Variants in SLC23A2 observed in about 807,000 individuals in gnomAD.
The protein encoded by SLC23A2 is Na(+)/L-ascorbic acid transporter 2.
SLC23A2 carries 36 observed loss-of-function variants against 73.3 expected under a neutral mutation model. The ratio of observed to expected loss-of-function variants is 0.49; its 90% CI spans 0.38 to 0.65. The LOEUF is 0.65. Among genes scored for constraint, SLC23A2 ranks in the 30% least tolerant of loss-of-function variants. The probability of loss-of-function intolerance (pLI) is 0.00; values close to 1 mark genes in which losing one functional copy is unlikely to be tolerated. For synonymous variants in SLC23A2, 343 were observed against 327.3 expected (o/e 1.05, Z -0.52); for missense variants, 507 against 841.6 (o/e 0.60, Z 4.92).
chr20:4,896,069 C>T (rs1251197251), intron 6 of SLC23A2, among the ~76,000 whole-genome samples: 1 of 152,174 alleles, frequency 6.6e-6, no homozygotes, highest in Non-Finnish European at 1.5e-5. Context: ...GAGGAGTCTG[C>T]ATCCCAACAG....
At chr20:4,942,606 G>A (rs1445158946) in intron 2 of SLC23A2, among the ~76,000 whole-genome samples, 2 of 152,156 alleles carry the variant, frequency 1.3e-5, no homozygotes, top group African/African-American at 4.8e-5. Flanking sequence ...CAGCTATTCA[G>A]CCTGTAATGA....
rs535306302 is a variant in SLC23A2, at chr20:4,982,540, G to C, written c.-281-11621C>G. On this transcript the variant is annotated intron_variant, in intron 1 of 16. Transcript: ENST00000338244. The stretch of plus-strand genomic sequence containing the variant: ...CCTGAAATTCTTATGGAAATACACA[G>C]GACCCAGAATAGTCAAAACAATCTT... Among the ~76,000 whole-genome samples the C allele has an allele frequency of 2.6e-5, 4 of 152,162 alleles. No homozygotes were observed. The South Asian group carries it at 8.3e-4, about 32-fold the overall frequency.
At chr20:4,949,960 G>T (rs572848714) in intron 2 of SLC23A2, among the ~76,000 whole-genome samples, 1 of 152,136 alleles carries the variant, frequency 6.6e-6, no homozygotes, top group South Asian at 2.1e-4. Context: ...AGCATGAGAC[G>T]CTCTCAGGTG....
rs543231159 is a variant in SLC23A2, at chr20:4,998,602, A to G, written c.-282+2804T>C. Among the ~76,000 whole-genome samples the G allele has an allele frequency of 7.5e-6, 1 of 132,954 alleles. No individual in the cohort carries two copies. Among genetic ancestry groups the G allele is most frequent in the Admixed American group, 8.1e-5 (1 of 12,394 alleles). 87.2% of individuals were successfully genotyped at this position (132,954 alleles called of 152,430 possible). A position where few individuals can be genotyped will look rare whatever the true frequency, so the allele number is the denominator to read the frequency against. On this transcript the variant is annotated intron_variant, in intron 1 of 16. Coordinates refer to ENST00000338244, the MANE Select transcript of SLC23A2 (RefSeq NM_005116.6). This position sits in a 1 kb window ranked among gnomAD's most constrained non-coding sequence, Gnocchi z 4.1. ...GAGGAATAGCAGGGCATGAAAATGA[A>G]TTAATGAGGTGAGGTTACTGGGCAC...
In SLC23A2 at chr20:5,007,216, T is replaced by A. The variant is rs1314948760; in HGVS notation, c.-282+2966A>T. ...TAATACTCCCATTTTAAGGTATACATTTTAGAATATATCATTTAAAGTAAA... is the reference window on the plus strand; with the variant it reads ...TAATACTCCCATTTTAAGGTATACAATTTAGAATATATCATTTAAAGTAAA... On this transcript the variant is annotated intron_variant, in intron 1 of 16. Coordinates refer to the SLC23A2 transcript ENST00000379333. 2.0e-5 allele frequency among the ~76,000 whole-genome samples: 3 copies of A among 152,082 alleles called. No homozygotes were observed. In the East Asian group the frequency reaches 5.8e-4, roughly 29 times the overall value.
chr20:4,937,505 C>A lies in SLC23A2; in HGVS notation c.-154-4789G>T, dbSNP rs72552238. Among the ~76,000 whole-genome samples, 3 of 152,272 alleles carry A rather than the reference C, an allele frequency of 2.0e-5. No individual in the cohort carries two copies. The South Asian group carries it at 6.2e-4, about 32-fold the overall frequency. ...CCAGTTGCTAAGTGTCGGTGTGTGCCAGGCACTTCTCTGACCTCTTATTAA... is the reference window on the plus strand; with the variant it reads ...CCAGTTGCTAAGTGTCGGTGTGTGCAAGGCACTTCTCTGACCTCTTATTAA... On this transcript the variant is annotated intron_variant, in intron 2 of 16. Transcript: ENST00000338244.
At chr20:4,987,800 C>G (rs1241261459) in intron 1 of SLC23A2, among the ~76,000 whole-genome samples, 4 of 150,560 alleles carry the variant, frequency 2.7e-5, no homozygotes, top group African/African-American at 9.8e-5. Flanking sequence ...GTGAGCCGAT[C>G]ACGCCACTGT....
rs1479937541 is a variant in SLC23A2 at position 4,855,875 on chromosome 20, C to G, written c.*1097G>C. ...TGGTATCAAGCAATACAAAACACAA[C>G]CACAACAATGGTTACTGGCCTTCAA... On this transcript the variant is annotated 3_prime_UTR_variant, in exon 17 of 17. Coordinates refer to ENST00000338244, the MANE Select transcript of SLC23A2 (RefSeq NM_005116.6). The G allele has an allele frequency of 6.6e-6, 1 of 152,562 alleles. No individual in the cohort carries two copies. Among genetic ancestry groups the G allele is most frequent in the Non-Finnish European group, 1.5e-5 (1 of 68,054 alleles). 9.5% of individuals were successfully genotyped at this position (152,562 alleles called of 1,614,324 possible).
Position 4,912,812 on chromosome 20 carries a change from G to C in SLC23A2, c.207+68C>G, listed in dbSNP as rs976927989. 3 of 1,011,952 alleles carry C rather than the reference G, an allele frequency of 3.0e-6. No individual in the cohort carries two copies. In the East Asian group the frequency reaches 7.1e-5, roughly 24 times the overall value. The allele number at this position is 1,011,952 out of a possible 1,614,324, so 62.7% of individuals were successfully genotyped here. A position where few individuals can be genotyped will look rare whatever the true frequency, so the allele number is the denominator to read the frequency against. ...AGTGTCTGAAAGGGATCCGGATCCAGATCCGGGGCAGCACTTGTGGGAGGG... is the reference window on the plus strand; with the variant it reads ...AGTGTCTGAAAGGGATCCGGATCCACATCCGGGGCAGCACTTGTGGGAGGG... On this transcript the variant is annotated intron_variant, in intron 4 of 16. Transcript: ENST00000338244.
At chr20:4,965,621 A>T (rs1253435461) in intron 2 of SLC23A2, among the ~76,000 whole-genome samples, 2 of 152,014 alleles carry the variant, frequency 1.3e-5, no homozygotes. Context: ...AAAATTAGCC[A>T]GGTATGGTGG....
intron 6 of SLC23A2, among the ~76,000 whole-genome samples, chr20:4,891,950 C>T (rs1444929503): frequency 2.0e-5 from 3 of 151,946 alleles, no homozygotes; most frequent in African/African-American, 7.3e-5. Flanking sequence ...GACAAGGTCT[C>T]CTTATGTTGC....
In SLC23A2 at chr20:4,868,116, G is replaced by C; in HGVS notation, c.1251-241C>G. 8.0e-6 allele frequency among the ~76,000 whole-genome samples: 1 copy of C among 125,214 alleles called. No homozygotes were observed. Among genetic ancestry groups the C allele is most frequent in the East Asian group, 2.3e-4 (1 of 4,308 alleles). 82.1% of individuals were successfully genotyped at this position (125,214 alleles called of 152,430 possible). The stretch of plus-strand genomic sequence containing the variant: ...TTTTTTTTAGAGAGTGTCTCACTCC[G>C]TCACCTAGGCTGGAATGCAGTGACG... On this transcript the variant is annotated intron_variant, in intron 12 of 16. Coordinates refer to ENST00000338244, the MANE Select transcript of SLC23A2 (RefSeq NM_005116.6). This position sits in a 1 kb window ranked among gnomAD's most constrained non-coding sequence, Gnocchi z 4.4.
At chr20:4,911,475 A>C (rs1219829462) in intron 4 of SLC23A2, among the ~76,000 whole-genome samples, 2 of 152,122 alleles carry the variant, frequency 1.3e-5, no homozygotes, top group African/African-American at 4.8e-5. Flanking sequence ...TTACACTGTG[A>C]ACTCACCATG....
At position 4,859,391 on chromosome 20, in the gene SLC23A2, A is replaced by C; in HGVS notation, c.1625-7T>G. ...TGATCGATTCCTGTTATCCCTAGAA[A>C]GAGAACACAGCCATAAACGATCAGT... On this transcript the variant is annotated splice_region_variant and splice_polypyrimidine_tract_variant and intron_variant, in intron 15 of 16. Transcript: ENST00000338244. The C allele has an allele frequency of 6.3e-7, 1 of 1,589,040 alleles. No individual in the cohort carries two copies. The highest frequency in any genetic ancestry group is 8.6e-7 in the Non-Finnish European group (1 of 1,157,144).
At chr20:4,878,872 T>C (rs1352672786) in intron 9 of SLC23A2, among the ~76,000 whole-genome samples, 2 of 152,218 alleles carry the variant, frequency 1.3e-5, no homozygotes, top group African/African-American at 4.8e-5. Context: ...ATTTATGAAG[T>C]TGTGGAATGT....
At chr20:4,915,424 T>C (rs576608504) in intron 3 of SLC23A2, among the ~76,000 whole-genome samples, 4 of 152,354 alleles carry the variant, frequency 2.6e-5, no homozygotes, top group African/African-American at 9.6e-5. Flanking sequence ...TTGCCAACTT[T>C]TTCCCCTTTT....
At chr20:4,972,940 C>T (rs767476301) in intron 1 of SLC23A2, among the ~76,000 whole-genome samples, 5 of 152,042 alleles carry the variant, frequency 3.3e-5, no homozygotes, top group Non-Finnish European at 5.9e-5. Flanking sequence ...AAGGTGACAT[C>T]CATCAATGTC....
chr20:4,895,704 AG>A (rs1326643619), intron 6 of SLC23A2, among the ~76,000 whole-genome samples: 2 of 152,168 alleles, frequency 1.3e-5, no homozygotes, highest in Non-Finnish European at 2.9e-5. Context: ...TTGATACCCA[AG>A]GGGTTAGAAT....
chr20:4,965,486 A>C (rs965752042), intron 2 of SLC23A2, among the ~76,000 whole-genome samples: 5 of 152,168 alleles, frequency 3.3e-5, no homozygotes, highest in Non-Finnish European at 7.3e-5. Flanking sequence ...CAAAATTATA[A>C]ACTGGCTGGG....
Sources: gnomAD v4.1 joint callset for allele counts (sites outside exome capture counted in the v4.1 genomes callset) on GRCh38, gnomAD v4.1.1 for gene constraint, Gnocchi (gnomAD v3.1) non-coding constraint, MANE v1.5 for transcripts, NCBI Gene and HGNC (gene_info 2026-07-23, HGNC 2026-07-21) for gene names.